The following TJP1 variants were observed in gnomAD, a reference collection of about 807,000 sequenced individuals.
The protein encoded by TJP1 is tight junction protein 1.
A neutral mutation model predicts 194.2 loss-of-function variants in TJP1; 43 were observed. The ratio of observed to expected loss-of-function variants is 0.22; its 90% CI spans 0.17 to 0.29. The LOEUF is 0.29. Ranked by LOEUF, TJP1 falls within the 10% of genes least tolerant of loss-of-function variation. The probability of loss-of-function intolerance (pLI) is 1.00; values close to 1 mark genes in which losing one functional copy is unlikely to be tolerated. For missense variants in TJP1, 1,971 were observed against 2,185.7 expected (o/e 0.90, Z 1.96); for synonymous variants, 801 against 779.0 (o/e 1.03, Z -0.47).
intron 8 of TJP1, among the ~76,000 whole-genome samples, chr15:29,750,928 A>C (rs1429355396): frequency 2.6e-5 from 4 of 152,252 alleles, no homozygotes; most frequent in Non-Finnish European, 4.4e-5. Flanking sequence ...CTAAGAATTT[A>C]AGTTAACTGT....
intron 2 of TJP1, among the ~76,000 whole-genome samples, chr15:29,927,705 C>A (rs2054569686): frequency 6.6e-6 from 1 of 152,102 alleles, no homozygotes; most frequent in African/African-American, 2.4e-5. Flanking sequence ...GCATATGGGG[C>A]CATCTTCCCC....
intron 2 of TJP1, among the ~76,000 whole-genome samples, chr15:29,842,337 T>C (rs1234415312): frequency 6.6e-6 from 1 of 152,148 alleles, no homozygotes; most frequent in Non-Finnish European, 1.5e-5. Flanking sequence ...ACAAGTAAGA[T>C]AGCTATTTAC....
rs1229006975 is a variant in TJP1 at position 29,762,450 on chromosome 15, T to C, written c.590-12A>G. Reference sequence around the variant, plus strand: ...TCGAAGACCATATTCTGAAATAATGTAAGTAAGTGTTTTTAGTATAACATC... The same window carrying C: ...TCGAAGACCATATTCTGAAATAATGCAAGTAAGTGTTTTTAGTATAACATC... On this transcript the variant is annotated splice_polypyrimidine_tract_variant and intron_variant, in intron 5 of 27. Coordinates refer to ENST00000614355, the MANE Select transcript of TJP1 (RefSeq NM_001330239.4). 1.1e-5 allele frequency: 17 copies of C among 1,602,036 alleles called. No individual in the cohort carries two copies. Among genetic ancestry groups the C allele is most frequent in the Non-Finnish European group, 1.5e-5 (17 of 1,171,430 alleles).
chr15:29,720,816 A>T, intron 18 of TJP1, 108 bp from the exon 19 acceptor site: 1 of 899,164 alleles, frequency 1.1e-6, no homozygotes, highest in Non-Finnish European at 1.7e-6. Flanking sequence ...GAGAAGTCAC[A>T]TCTACTTCTT....
intron 1 of TJP1, chr15:29,968,117 G>T: frequency 6.1e-6 from 6 of 985,442 alleles, no homozygotes; most frequent in Non-Finnish European, 7.2e-6. Context: ...ACAGTTTCCA[G>T]GTCGGAGGAA....
In TJP1 at chr15:29,836,330, T is replaced by C. The variant is rs1206594400; in HGVS notation, c.307-35628A>G. 2.6e-5 allele frequency among the ~76,000 whole-genome samples: 4 copies of C among 152,002 alleles called. No individual in the cohort carries two copies. In the East Asian group the frequency reaches 7.8e-4, roughly 29 times the overall value. Reference sequence around the variant, plus strand: ...GCTCTGTCGCCAGGCTGGAGTGCAGTTGCACAATCTCAGCTCACTGCAAGC... The same window carrying C: ...GCTCTGTCGCCAGGCTGGAGTGCAGCTGCACAATCTCAGCTCACTGCAAGC... On this transcript the variant is annotated intron_variant, in intron 2 of 28. Transcript: ENST00000356107.
intron 23 of TJP1, among the ~76,000 whole-genome samples, chr15:29,712,170 C>T (rs1384938783): frequency 1.3e-5 from 2 of 152,204 alleles, no homozygotes; most frequent in Admixed American, 6.5e-5. Flanking sequence ...ATAACATATA[C>T]ATTTGGAATA....
intron 2 of TJP1, among the ~76,000 whole-genome samples, chr15:29,855,739 C>T (rs1596115518): frequency 6.6e-6 from 1 of 151,996 alleles, no homozygotes; most frequent in Non-Finnish European, 1.5e-5. Flanking sequence ...GCCTGTAATC[C>T]CAGTTACTCA....
intron 11 of TJP1, 86 bp from the exon 12 acceptor site, chr15:29,734,468 C>A: frequency 1.0e-6 from 1 of 969,972 alleles, no homozygotes; most frequent in Non-Finnish European, 1.5e-6. Flanking sequence ...CTCAGTCTAC[C>A]TAATTTGAAA....
At chr15:29,708,466 G>A in intron 25 of TJP1, 93 bp downstream of exon 25, 1 of 1,029,632 alleles carries the variant, frequency 9.7e-7, no homozygotes, top group Non-Finnish European at 1.4e-6. Flanking sequence ...GAGTTAAAAA[G>A]ATCACTTTAA....
intron 2 of TJP1, among the ~76,000 whole-genome samples, chr15:29,898,535 T>C (rs556281863): frequency 6.6e-6 from 1 of 152,374 alleles, no homozygotes; most frequent in South Asian, 2.1e-4. Context: ...TTATATTTAG[T>C]GATCATATTT....
intron 24 of TJP1, 73 bp downstream of exon 24, chr15:29,710,758 T>C (rs1050988286): frequency 2.5e-6 from 4 of 1,584,424 alleles, no homozygotes; most frequent in Non-Finnish European, 2.6e-6. Context: ...TAAAAACCAT[T>C]TTGCCTAGAA....
Position 29,864,333 on chromosome 15 carries a change from C to A in TJP1, c.307-63631G>T, listed in dbSNP as rs560729653. Among the ~76,000 whole-genome samples, 6 of 148,496 alleles carry A rather than the reference C, an allele frequency of 4.0e-5. No individual in the cohort carries two copies. The South Asian group carries it at 1.3e-3, about 32-fold the overall frequency. On this transcript the variant is annotated intron_variant, in intron 2 of 28. Transcript: ENST00000356107. Reference sequence around the variant, plus strand: ...GGCTGAGGAAGGAGAATTGGGTGAACCCGGGAGTCAGTACCCTAGTTCCAA... The same window carrying A: ...GGCTGAGGAAGGAGAATTGGGTGAAACCGGGAGTCAGTACCCTAGTTCCAA...
intron 2 of TJP1, among the ~76,000 whole-genome samples, chr15:29,893,920 A>G (rs2053394996): frequency 6.6e-6 from 1 of 152,188 alleles, no homozygotes; most frequent in South Asian, 2.1e-4. Flanking sequence ...AAGGTGCTGA[A>G]GAGTCACAAA....
chr15:29,773,696 C>T (rs1346901838), intron 2 of TJP1, among the ~76,000 whole-genome samples: 6 of 152,208 alleles, frequency 3.9e-5, no homozygotes, highest in African/African-American at 1.2e-4. Context: ...GATCATCAGC[C>T]ATCCTGGCAA....
At position 29,766,393 on chromosome 15, in the gene TJP1, A is replaced by T; in HGVS notation, c.462T>A (p.Ile154=). The change falls in exon 5 of 28, where the codon ATT becomes ATA. Residue 154 remains isoleucine (I), a synonymous_variant. Transcript: ENST00000614355. ...SGVVNRRSEK[I]WPRDRSASRE... ...TACTTGCACTTCTATCCCTCGGCCAAATCTTCTCACTCCTTCTGTTAACCA... is the reference window on the plus strand; with the variant it reads ...TACTTGCACTTCTATCCCTCGGCCATATCTTCTCACTCCTTCTGTTAACCA... 1 of 1,614,062 alleles carries T rather than the reference A, an allele frequency of 6.2e-7. No individual in the cohort carries two copies. The highest frequency in any genetic ancestry group is 1.3e-5 in the African/African-American group (1 of 75,012).
chr15:29,851,150 T>C (rs1422837437), intron 2 of TJP1, among the ~76,000 whole-genome samples: 1 of 151,224 alleles, frequency 6.6e-6, no homozygotes, highest in African/African-American at 2.4e-5. Flanking sequence ...AAAATACATA[T>C]AAAATAAAAA....
chr15:29,711,797 C>A (rs1441696870), intron 23 of TJP1, among the ~76,000 whole-genome samples: 1 of 152,120 alleles, frequency 6.6e-6, no homozygotes, highest in Non-Finnish European at 1.5e-5. Flanking sequence ...GGTCTTTTGG[C>A]CCATACAGTC....
intron 8 of TJP1, 141 bp from the exon 9 acceptor site, chr15:29,742,922 C>G: frequency 1.5e-6 from 1 of 660,844 alleles, no homozygotes. Context: ...TTGTAAAAAC[C>G]TAGTAATTAA....
Sources: gnomAD v4.1 joint callset for allele counts (sites outside exome capture counted in the v4.1 genomes callset) on GRCh38, gnomAD v4.1.1 for gene constraint, MANE v1.5 for transcripts, NCBI Gene and HGNC (gene_info 2026-07-23, HGNC 2026-07-21) for gene names.